PDE1C: variants seen among roughly 807,000 people sequenced by gnomAD.
PDE1C encodes dual specificity calcium/calmodulin-dependent 3',5'-cyclic nucleotide phosphodiesterase 1C.
A neutral mutation model predicts 93.1 loss-of-function variants in PDE1C; 62 were observed. The ratio of observed to expected loss-of-function variants is 0.67; its 90% CI spans 0.54 to 0.82. The LOEUF (loss-of-function observed/expected upper bound fraction) is 0.82. Among genes scored for constraint, PDE1C ranks in the 40% least tolerant of loss-of-function variants. The pLI is 0.00. For synonymous variants in PDE1C, 325 were observed against 310.1 expected (o/e 1.05, Z -0.50); for missense variants, 742 against 884.6 (o/e 0.84, Z 2.04).
intron 1 of PDE1C, among the ~76,000 whole-genome samples, chr7:32,293,064 C>T (rs951760299): frequency 2.0e-5 from 3 of 152,164 alleles, no homozygotes; most frequent in Non-Finnish European, 4.4e-5. Context: ...TCACCCACTC[C>T]CAGCCAGCAC....
upstream of PDE1C, chr7:32,071,442 G>A: frequency 2.0e-6 from 2 of 985,090 alleles, no homozygotes; most frequent in Non-Finnish European, 2.4e-6. Context: ...TTGCTAAAGG[G>A]GCTCTCTCGC....
chr7:31,737,952 A>C, the PDE1C span, among the ~76,000 whole-genome samples: 1 of 152,154 alleles, frequency 6.6e-6, no homozygotes, highest in South Asian at 2.1e-4. Flanking sequence ...CAGCATAGAA[A>C]ACCTGAAAAA....
intron 2 of PDE1C, among the ~76,000 whole-genome samples, chr7:31,911,602 G>C (rs186534338): frequency 4.9e-4 from 74 of 152,294 alleles, no homozygotes; most frequent in African/African-American, 1.8e-3. Context: ...CATCACATGA[G>C]ATGTGCAGCC....
rs117088924 is a variant in PDE1C at position 31,825,066 on chromosome 7, A to G, written c.1286-79T>C. On this transcript the variant is annotated intron_variant, in intron 12 of 17. Transcript: ENST00000396191. ...CATACTTTCCAGAAGAAACTGATCT[A>G]GAAGTTCCAGATCAGATTAAAAGAG... The G allele has an allele frequency of 1.3e-5, 21 of 1,556,582 alleles. No individual in the cohort carries two copies. The East Asian group carries it at 4.8e-4, about 35-fold the overall frequency.
intron 9 of PDE1C, among the ~76,000 whole-genome samples, chr7:31,844,286 CTACCT>C (rs1181997083): frequency 1.3e-5 from 2 of 151,396 alleles, no homozygotes; most frequent in African/African-American, 2.4e-5. Flanking sequence ...ATTTTTGAAA[CTACCT>C]TAAAGAAAGC....
chr7:32,270,718 G>A (rs1170682569), intron 1 of PDE1C, among the ~76,000 whole-genome samples: 1 of 152,160 alleles, frequency 6.6e-6, no homozygotes, highest in Non-Finnish European at 1.5e-5. Context: ...TGGGGCATGA[G>A]GATACACAGT....
intron 2 of PDE1C, among the ~76,000 whole-genome samples, chr7:31,964,839 G>A (rs1584228927): frequency 6.6e-6 from 1 of 152,182 alleles, no homozygotes; most frequent in African/African-American, 2.4e-5. Flanking sequence ...TGATACCCAG[G>A]CAAACAGGGT....
intron 2 of PDE1C, among the ~76,000 whole-genome samples, chr7:32,009,800 C>G (rs966361052): frequency 1.3e-5 from 2 of 152,060 alleles, no homozygotes; most frequent in African/African-American, 4.8e-5. Context: ...TGGAATCTGC[C>G]AAAAAGCTAT....
At chr7:32,187,228 A>C (rs1470365433) in intron 2 of PDE1C, among the ~76,000 whole-genome samples, 1 of 152,078 alleles carries the variant, frequency 6.6e-6, no homozygotes, top group Non-Finnish European at 1.5e-5. Flanking sequence ...TCCTGGGCTC[A>C]AGCAATACTC....
chr7:31,714,788 T>A, the PDE1C span, among the ~76,000 whole-genome samples: 1 of 152,258 alleles, frequency 6.6e-6, no homozygotes, highest in Non-Finnish European at 1.5e-5. Flanking sequence ...AAGAACAGCA[T>A]GGGAAAGACC....
the PDE1C span, among the ~76,000 whole-genome samples, chr7:31,646,220 T>C: frequency 6.6e-6 from 1 of 152,176 alleles, no homozygotes; most frequent in Non-Finnish European, 1.5e-5. Context: ...ACCTGTTTAA[T>C]CCATCAGGCA....
intron 1 of PDE1C, among the ~76,000 whole-genome samples, chr7:32,068,831 C>T (rs1278901734): frequency 6.6e-6 from 1 of 152,160 alleles, no homozygotes; most frequent in Non-Finnish European, 1.5e-5. Flanking sequence ...GAATCCAGCT[C>T]GACAACGCTT....
intron 14 of PDE1C, among the ~76,000 whole-genome samples, chr7:31,816,818 G>A (rs1289677749): frequency 6.6e-6 from 1 of 152,118 alleles, no homozygotes; most frequent in Admixed American, 6.6e-5. Flanking sequence ...CAAGATGAGA[G>A]GTAGCCTTTA....
the PDE1C span, among the ~76,000 whole-genome samples, chr7:31,665,557 T>G: frequency 6.6e-6 from 1 of 152,174 alleles, no homozygotes; most frequent in Non-Finnish European, 1.5e-5. Context: ...ATAAGCAATC[T>G]CTATGCACAA....
chr7:32,309,473 G>GA (rs1813110912), intron 1 of PDE1C, among the ~76,000 whole-genome samples: 1 of 152,150 alleles, frequency 6.6e-6, no homozygotes, highest in African/African-American at 2.4e-5. Context: ...TGAAATGAAG[G>GA]AAAAAATGTT....
chr7:31,855,728 A>T (rs1161642072), intron 7 of PDE1C, among the ~76,000 whole-genome samples: 1 of 148,072 alleles, frequency 6.8e-6, no homozygotes, highest in Admixed American at 6.7e-5. Flanking sequence ...TAAAAATAAA[A>T]AAATAAAAAA....
intron 1 of PDE1C, among the ~76,000 whole-genome samples, chr7:32,391,342 T>A (rs1784745121): frequency 6.6e-6 from 1 of 151,880 alleles, no homozygotes; most frequent in South Asian, 2.1e-4. Flanking sequence ...AAAGCCCCAA[T>A]ACACATGAAG....
intron 1 of PDE1C, among the ~76,000 whole-genome samples, chr7:32,386,968 G>A (rs994472924): frequency 6.6e-5 from 10 of 151,262 alleles, no homozygotes; most frequent in African/African-American, 2.4e-4. Flanking sequence ...GGGAAGGTCA[G>A]CAGATAAACA....
chr7:32,369,981 G>T (rs575482919), intron 1 of PDE1C, among the ~76,000 whole-genome samples: 4 of 152,292 alleles, frequency 2.6e-5, no homozygotes, highest in East Asian at 3.9e-4. Flanking sequence ...CCATTACTGG[G>T]TATATACCCA....
Sources: allele counts gnomAD v4.1 joint callset (sites outside exome capture counted in the v4.1 genomes callset), GRCh38; gene constraint gnomAD v4.1.1; transcripts MANE v1.5; gene names NCBI Gene and HGNC (gene_info 2026-07-23, HGNC 2026-07-21).